The following SLC9C1 variants were observed in gnomAD, a reference collection of about 807,000 sequenced individuals.
SLC9C1 encodes the protein solute carrier family 9 member C1.
In SLC9C1, 97 loss-of-function variants were observed where a neutral mutation model predicts 140.9. The observed-to-expected ratio is 0.69, with a 90% confidence interval of 0.58 to 0.82. SLC9C1 has a LOEUF of 0.82. Ranked by LOEUF, SLC9C1 falls within the 40% of genes least tolerant of loss-of-function variation. SLC9C1 has a pLI of 0.00. For synonymous variants in SLC9C1, 440 were observed against 442.6 expected, an observed-to-expected ratio of 0.99 and a Z score of 0.07; for missense variants, 1,340 against 1,389.3, an observed-to-expected ratio of 0.96 and a Z score of 0.56.
chr3:112,256,272 A>G (rs867316134), intron 10 of SLC9C1, among the ~76,000 whole-genome samples: 1 of 152,244 alleles, frequency 6.6e-6, no homozygotes, highest in Middle Eastern at 3.4e-3. Context: ...GAGAAACAAC[A>G]AAAAAGAAAA....
At chr3:112,262,570 G>A (rs1171688299) in intron 10 of SLC9C1, among the ~76,000 whole-genome samples, 3 of 151,912 alleles carry the variant, frequency 2.0e-5, no homozygotes, top group Non-Finnish European at 4.4e-5. Context: ...TTGGCTCATA[G>A]CATTACTAAA....
intron 25 of SLC9C1, among the ~76,000 whole-genome samples, chr3:112,167,972 T>C (rs1418859080): frequency 6.6e-6 from 1 of 152,172 alleles, no homozygotes; most frequent in Non-Finnish European, 1.5e-5. Flanking sequence ...TCAGTGCTGG[T>C]GATGTCCACT....
chr3:112,261,339 T>TA (rs1559727096), intron 10 of SLC9C1, among the ~76,000 whole-genome samples: 1 of 152,058 alleles, frequency 6.6e-6, no homozygotes, highest in Admixed American at 6.6e-5. Flanking sequence ...ATTAGTTAAA[T>TA]AGTTTAAAAT....
chr3:112,292,705 G>A (rs945973054), intron 1 of SLC9C1, among the ~76,000 whole-genome samples: 7 of 151,192 alleles, frequency 4.6e-5, no homozygotes, highest in South Asian at 2.1e-4. Flanking sequence ...CACCACGCCC[G>A]GCTAATTTTT....
chr3:112,215,091 C>T lies in SLC9C1; in HGVS notation c.1790+2351G>A, dbSNP rs1229837380. Among the ~76,000 whole-genome samples the T allele has an allele frequency of 4.6e-5, 7 of 152,060 alleles. No homozygotes were observed. In the South Asian group the frequency reaches 1.0e-3, roughly 23 times the overall value. On this transcript the variant is annotated intron_variant, in intron 15 of 28. Coordinates refer to ENST00000305815, the MANE Select transcript of SLC9C1 (RefSeq NM_183061.3). ...AATAAATGTAATCCAGCATATAAAACGAACCAAAGGCAAAAATCACATGAT... is the reference window on the plus strand; with the variant it reads ...AATAAATGTAATCCAGCATATAAAATGAACCAAAGGCAAAAATCACATGAT...
Position 112,192,531 on chromosome 3 carries a change from T to C in SLC9C1, c.2523+6790A>G, listed in dbSNP as rs558338312. Among the ~76,000 whole-genome samples the C allele has an allele frequency of 9.8e-4, 150 of 152,328 alleles. 1 individual carries two copies. Among genetic ancestry groups the C allele is most frequent in the African/African-American group, 3.6e-3 (148 of 41,586 alleles). On this transcript the variant is annotated intron_variant, in intron 20 of 28. Coordinates refer to ENST00000305815, the MANE Select transcript of SLC9C1 (RefSeq NM_183061.3). ...ACACTTGGGTGGTGTCTACCTTTTA[T>C]TGTTTCTATTCTTTTTTTGTTTTTG...
chr3:112,194,593 G>C (rs1376248483), intron 20 of SLC9C1, among the ~76,000 whole-genome samples: 2 of 152,076 alleles, frequency 1.3e-5, no homozygotes, highest in Non-Finnish European at 2.9e-5. Context: ...TATGAATGTA[G>C]GTGTACAAAT....
chr3:112,224,744 CAAAAGAGAAAGAA>C (rs1237418452), intron 13 of SLC9C1, among the ~76,000 whole-genome samples: 21 of 140,676 alleles, frequency 1.5e-4, no homozygotes, highest in Non-Finnish European at 2.5e-4. Flanking sequence ...CCATGTCAGA[CAAAAGAGAAAGAA>C]AAAAGAGAAA....
At chr3:112,147,709 A>T (rs1172923882) in intron 28 of SLC9C1, among the ~76,000 whole-genome samples, 1 of 151,812 alleles carries the variant, frequency 6.6e-6, no homozygotes, top group Non-Finnish European at 1.5e-5. Flanking sequence ...TGACTTTAAA[A>T]TTTTTTCTTT....
chr3:112,292,980 G>A (rs1053060991), intron 1 of SLC9C1, among the ~76,000 whole-genome samples: 1 of 150,158 alleles, frequency 6.7e-6, no homozygotes, highest in Admixed American at 6.6e-5. Flanking sequence ...TTAACAATAA[G>A]TTAGTTGACT....
intron 23 of SLC9C1, among the ~76,000 whole-genome samples, chr3:112,175,019 G>T (rs1175923917): frequency 6.6e-6 from 1 of 152,196 alleles, no homozygotes; most frequent in African/African-American, 2.4e-5. Context: ...AAGGGCAAGG[G>T]CTGCAAGACA....
chr3:112,230,004 T>C (rs2078779153), intron 13 of SLC9C1, among the ~76,000 whole-genome samples: 1 of 152,176 alleles, frequency 6.6e-6, no homozygotes, highest in South Asian at 2.1e-4. Context: ...TTTTTGACAG[T>C]TACAGACAAA....
chr3:112,168,322 TAC>T (rs56965031), intron 25 of SLC9C1, among the ~76,000 whole-genome samples: 7,827 of 133,658 alleles, frequency 0.059, 230 homozygotes, highest in African/African-American at 0.087. Context: ...CACAAAACAA[TAC>T]ACACACACAC....
chr3:112,200,790 A>T (rs760442629), intron 18 of SLC9C1, 28 bp from the exon 19 acceptor site: 3 of 1,579,430 alleles, frequency 1.9e-6, no homozygotes, highest in Non-Finnish European at 2.6e-6. Context: ...TGTTATCCCC[A>T]TTGGAAAAAC....
intron 20 of SLC9C1, among the ~76,000 whole-genome samples, chr3:112,189,748 A>G (rs1343195032): frequency 1.3e-5 from 2 of 152,154 alleles, no homozygotes; most frequent in African/African-American, 4.8e-5. Context: ...ACTTTAAAGT[A>G]ATTTTTTCCA....
At position 112,256,564 on chromosome 3, in the gene SLC9C1, C is replaced by T. The variant is rs1329816111; in HGVS notation, c.1197+6360G>A. Among the ~76,000 whole-genome samples, 5 of 152,158 alleles carry T rather than the reference C, an allele frequency of 3.3e-5. No homozygotes were observed. The East Asian group carries it at 9.7e-4, about 29-fold the overall frequency. On this transcript the variant is annotated intron_variant, in intron 10 of 28. Transcript: ENST00000305815. The stretch of plus-strand genomic sequence containing the variant: ...ATCTACTAGGTATCGAAGGACCATA[C>T]CTCAAAATAATAAGAGCCCTTTATG...
At chr3:112,210,879 TA>T (rs1386788731) in intron 15 of SLC9C1, among the ~76,000 whole-genome samples, 2 of 152,096 alleles carry the variant, frequency 1.3e-5, no homozygotes, top group African/African-American at 2.4e-5. Flanking sequence ...TTATTTTTTT[TA>T]AAAATAAAAA....
At chr3:112,156,714 G>T (rs1298195258) in intron 26 of SLC9C1, among the ~76,000 whole-genome samples, 1 of 151,906 alleles carries the variant, frequency 6.6e-6, no homozygotes, top group Non-Finnish European at 1.5e-5. Context: ...TTTGACAGTA[G>T]TCATTCTAAC....
At chr3:112,211,901 C>T (rs2078217782) in intron 15 of SLC9C1, among the ~76,000 whole-genome samples, 1 of 152,242 alleles carries the variant, frequency 6.6e-6, no homozygotes. Context: ...AACGGACAGA[C>T]TGCCTCCTCA....
Sources: allele counts gnomAD v4.1 joint callset (sites outside exome capture counted in the v4.1 genomes callset), GRCh38; gene constraint gnomAD v4.1.1; transcripts MANE v1.5; gene names NCBI Gene and HGNC (gene_info 2026-07-23, HGNC 2026-07-21).